The following PTBP1 variants were observed in gnomAD, a reference collection of about 807,000 sequenced individuals.
PTBP1 encodes polypyrimidine tract binding protein 1.
A neutral mutation model predicts 59.8 loss-of-function variants in PTBP1; 8 were observed. The observed-to-expected ratio is 0.13, with a 90% CI of 0.08 to 0.24. PTBP1 has a LOEUF of 0.24. PTBP1 is among the 10% of genes least tolerant of loss of function. The pLI is 1.00. For missense variants in PTBP1, 686 were observed against 767.0 expected (o/e 0.89, Z 1.25); for synonymous variants, 490 against 320.7 (o/e 1.53, Z -5.64).
At position 804,441 on chromosome 19, in the gene PTBP1, G is replaced by A; in HGVS notation, c.435+3G>A. 3 of 1,609,440 alleles carry A rather than the reference G, an allele frequency of 1.9e-6. No individual in the cohort carries two copies. Among genetic ancestry groups the A allele is most frequent in the Admixed American group, 1.7e-5 (1 of 59,964 alleles). On this transcript the variant is annotated splice_donor_region_variant and intron_variant, in intron 5 of 14. Coordinates refer to ENST00000356948, the MANE Select transcript of PTBP1 (RefSeq NM_002819.5). ...CCGACAGCTCTCCCAACCAGGCGGT[G>A]CGTGGCCCCGCGGCGGACCCCAGCA... is the stretch of plus-strand genomic sequence containing the variant.
intron 13 of PTBP1, among the ~76,000 whole-genome samples, chr19:809,820 G>A (rs1024610173): frequency 3.3e-5 from 5 of 152,104 alleles, no homozygotes; most frequent in Non-Finnish European, 4.4e-5. Context: ...GGTTCACTTC[G>A]CGCTCAGGAG....
At position 811,903 on chromosome 19, in the gene PTBP1, C is replaced by T. The variant is rs893690505; in HGVS notation, c.*1077C>T. 1.4e-5 allele frequency: 2 copies of T among 144,226 alleles called. No homozygotes were observed. The highest frequency in any genetic ancestry group is 3.1e-5 in the Non-Finnish European group (2 of 64,794). 8.9% of individuals were successfully genotyped at this position (144,226 alleles called of 1,614,324 possible). A position where few individuals can be genotyped will look rare whatever the true frequency, so the allele number is the denominator to read the frequency against. On this transcript the variant is annotated 3_prime_UTR_variant, in exon 15 of 15. Coordinates refer to ENST00000356948, the MANE Select transcript of PTBP1 (RefSeq NM_002819.5). ...GTTTTGCCTGCCTCTGATGCTGGGA[C>T]CCGGAAGGCGGGCGCTCCTCCTGTC...
Position 810,857 on chromosome 19 carries a change from G to A in PTBP1, c.*31G>A. The A allele has an allele frequency of 2.0e-6, 3 of 1,502,360 alleles. No individual in the cohort carries two copies. The highest frequency in any genetic ancestry group is 2.6e-6 in the Non-Finnish European group (3 of 1,133,244). The allele number at this position is 1,502,360 out of a possible 1,614,324, so 93.1% of individuals were successfully genotyped here. ...CAGGCCCCCACGGCCGGGCCCCCTG[G>A]CGACAACTTCCATCATTCCAGAGAA... On this transcript the variant is annotated 3_prime_UTR_variant, in exon 15 of 15. Coordinates refer to ENST00000356948, the MANE Select transcript of PTBP1 (RefSeq NM_002819.5).
At chr19:809,989 C>G (rs576194208) in intron 13 of PTBP1, among the ~76,000 whole-genome samples, 2 of 152,166 alleles carry the variant, frequency 1.3e-5, no homozygotes, top group African/African-American at 4.8e-5. Context: ...ATATTTAACA[C>G]GTTACTTGTG....
Position 804,044 on chromosome 19 carries a change from A to C in PTBP1, c.124A>C (p.Asn42His). ...SSNSASAANG[N>H]DSKKFKGDSR... is the part of the protein sequence containing the mutation. Reference sequence around the variant, plus strand: ...TGGCACCCCCTTTTCAGCAAACGGAAATGACAGCAAGAAGTTCAAAGGTGA... The same window carrying C: ...TGGCACCCCCTTTTCAGCAAACGGACATGACAGCAAGAAGTTCAAAGGTGA... Residue 42 changes from asparagine to histidine, a missense_variant, in exon 4 of 15, where the codon AAT becomes CAT. Asn to His is a moderately conservative substitution (Grantham distance 68). Coordinates refer to ENST00000356948, the MANE Select transcript of PTBP1 (RefSeq NM_002819.5). 6.2e-7 allele frequency: 1 copy of C among 1,613,966 alleles called. No individual in the cohort carries two copies. Among genetic ancestry groups the C allele is most frequent in the South Asian group, 1.1e-5 (1 of 91,076 alleles).
In PTBP1 at chr19:804,322, G is replaced by A. The variant is rs760017044; in HGVS notation, c.319G>A (p.Ala107Thr). ...CATCGAGATGAACACGGAGGAGGCTGCCAACACCATGGTGAACTACTACAC... is the reference window on the plus strand; with the variant it reads ...CATCGAGATGAACACGGAGGAGGCTACCAACACCATGGTGAACTACTACAC... ...AFIEMNTEEA[A>T]NTMVNYYTSV... Residue 107 changes from alanine (A) to threonine (T), a missense_variant, in exon 5 of 15, where the codon GCC (alanine) becomes ACC (threonine). Coordinates refer to ENST00000356948, the MANE Select transcript of PTBP1 (RefSeq NM_002819.5). The A allele has an allele frequency of 6.2e-7, 1 of 1,613,686 alleles. No individual in the cohort carries two copies. Among genetic ancestry groups the A allele is most frequent in the South Asian group, 1.1e-5 (1 of 91,064 alleles).
intron 1 of PTBP1, among the ~76,000 whole-genome samples, chr19:798,805 G>A (rs920715540): frequency 3.3e-5 from 5 of 152,258 alleles, no homozygotes; most frequent in Non-Finnish European, 5.9e-5. Flanking sequence ...CCTTCCCCCC[G>A]GGGTGTCCCG....
chr19:799,572 C>A, intron 2 of PTBP1, 129 bp downstream of exon 2: 1 of 922,442 alleles, frequency 1.1e-6, no homozygotes, highest in Non-Finnish European at 1.8e-6. Context: ...TACCCTTGGT[C>A]TGGAATCTGG....
rs538065691 is a variant in PTBP1, at chr19:803,259, G to A, written c.40-302G>A. Among the ~76,000 whole-genome samples, 32 of 152,330 alleles carry A rather than the reference G, an allele frequency of 2.1e-4. No homozygotes were observed. The East Asian group carries it at 5.0e-3, about 24-fold the overall frequency. ...GGCCACGTCCACAGCAGAGTTGGCCGTGGAGATAGTGTACGTGGTGCCCTC... is the reference window on the plus strand; with the variant it reads ...GGCCACGTCCACAGCAGAGTTGGCCATGGAGATAGTGTACGTGGTGCCCTC... On this transcript the variant is annotated intron_variant, in intron 2 of 14. Transcript: ENST00000356948.
chr19:805,056 G>T lies in PTBP1; in HGVS notation c.761G>T (p.Arg254Leu), dbSNP rs775749591. The change falls in exon 8 of 15, where the codon CGC (arginine) becomes CTC (leucine). Residue 254 changes from arginine (R) to leucine (L), a missense_variant. Physicochemically the swap from Arg to Leu is moderately radical, Grantham distance 102. Transcript: ENST00000356948. ...ATCTACAACGCCTGCTGCACGCTGC[G>T]CATCGACTTTTCCAAGCTCACCAGC... The part of the protein sequence containing the change: ...QNIYNACCTL[R>L]IDFSKLTSLN... The T allele has an allele frequency of 1.1e-5, 17 of 1,613,716 alleles. No individual in the cohort carries two copies. Among genetic ancestry groups the T allele is most frequent in the Non-Finnish European group, 1.4e-5 (17 of 1,179,882 alleles).
intron 10 of PTBP1, chr19:806,841 G>A (rs1738125826): frequency 3.2e-6 from 1 of 317,214 alleles, no homozygotes; most frequent in African/African-American, 2.2e-5. Context: ...AGCTGAGCAG[G>A]GCGCGCAGTT....
rs755980737 is a variant in PTBP1, at chr19:810,995, C to T, written c.*169C>T. On this transcript the variant is annotated 3_prime_UTR_variant, in exon 15 of 15. Coordinates refer to ENST00000356948, the MANE Select transcript of PTBP1 (RefSeq NM_002819.5). ...AATTAAATCTAGTTCACCTTGCTCA[C>T]CCTGCGGTGACAGGGACAGCTCAGG... The T allele has an allele frequency of 2.3e-4, 159 of 696,262 alleles. No homozygotes were observed. Among genetic ancestry groups the T allele is most frequent in the Non-Finnish European group, 2.9e-4 (133 of 459,624 alleles). 43.1% of individuals were successfully genotyped at this position (696,262 alleles called of 1,614,324 possible).
intron 2 of PTBP1, among the ~76,000 whole-genome samples, chr19:801,025 C>A (rs1368930982): frequency 1.3e-5 from 2 of 151,900 alleles, no homozygotes; most frequent in Non-Finnish European, 2.9e-5. Context: ...CCCTCCCCCC[C>A]ACCACCAGGG....
Position 800,500 on chromosome 19 carries a change from T to C in PTBP1, c.39+1057T>C, listed in dbSNP as rs904206682. 3.3e-5 allele frequency among the ~76,000 whole-genome samples: 5 copies of C among 152,086 alleles called. No homozygotes were observed. The South Asian group carries it at 1.0e-3, about 32-fold the overall frequency. ...AATGATTCTGCTGGTCATTGTGGGT[T>C]GAGGGGGCTCCCGACTTCAGGGCTT... On this transcript the variant is annotated intron_variant, in intron 2 of 14. Transcript: ENST00000356948.
intron 10 of PTBP1, chr19:807,474 G>C (rs2034637487): frequency 4.7e-6 from 1 of 212,590 alleles, no homozygotes; most frequent in South Asian, 9.0e-5. Flanking sequence ...AATGTGTGTG[G>C]AGTGTGACTG....
chr19:798,899 G>T (rs1296760087), intron 1 of PTBP1, among the ~76,000 whole-genome samples: 4 of 152,224 alleles, frequency 2.6e-5, no homozygotes, highest in Admixed American at 2.0e-4. Context: ...TTTTATTGAC[G>T]GTTTCCACGG....
At chr19:805,430 G>T in intron 8 of PTBP1, 62 bp from the exon 9 acceptor site, 1 of 1,507,002 alleles carries the variant, frequency 6.6e-7, no homozygotes, top group Admixed American at 1.7e-5. Flanking sequence ...CCATCCCGCA[G>T]CACAGCGCCC....
rs1287030102 is a variant in PTBP1, at chr19:805,192, G to A, written c.892+5G>A. ...AGACCATGGCCGCGGCCTTCGGTAA[G>A]AGGCTGCCCGACGCGGCGCCAGTGT... On this transcript the variant is annotated splice_donor_5th_base_variant and intron_variant, in intron 8 of 14. Coordinates refer to ENST00000356948, the MANE Select transcript of PTBP1 (RefSeq NM_002819.5). 2 of 1,612,846 alleles carry A rather than the reference G, an allele frequency of 1.2e-6. No individual in the cohort carries two copies. The highest frequency in any genetic ancestry group is 1.7e-6 in the Non-Finnish European group (2 of 1,179,562).
chr19:797,558 CCCCCGCCG>C, intron 1 of PTBP1, 53 bp downstream of exon 1: 2 of 1,304,148 alleles, frequency 1.5e-6, no homozygotes, highest in Non-Finnish European at 2.0e-6. Flanking sequence ...CGCAGCCCTG[CCCCCGCCG>C]CCGCGCCGGC....
Sources: allele counts gnomAD v4.1 joint callset (sites outside exome capture counted in the v4.1 genomes callset), GRCh38; gene constraint gnomAD v4.1.1; transcripts MANE v1.5; gene names NCBI Gene and HGNC (gene_info 2026-07-23, HGNC 2026-07-21).